Variants in NOTCH4 observed in about 807,000 individuals in gnomAD.
NOTCH4 encodes neurogenic locus notch homolog protein 4.
A neutral mutation model predicts 189.0 loss-of-function variants in NOTCH4; 138 were observed. The observed-to-expected ratio is 0.73, with a 90% CI of 0.64 to 0.84. NOTCH4 has a LOEUF of 0.84. Ranked by LOEUF, NOTCH4 falls within the 40% of genes least tolerant of loss-of-function variation. NOTCH4 has a pLI of 0.00. For missense variants in NOTCH4, 2,286 were observed against 2,605.4 expected (o/e 0.88, Z 2.67); for synonymous variants, 942 against 1,032.8 (o/e 0.91, Z 1.69).
rs755955485 is a variant in NOTCH4, at chr6:32,213,231, G to C, written c.2342C>G (p.Thr781Ser). The change falls in exon 15 of 30, where the codon ACC (threonine) becomes AGC (serine). Residue 781 changes from threonine to serine, a missense_variant. Coordinates refer to ENST00000375023, the MANE Select transcript of NOTCH4 (RefSeq NM_004557.4). Reference sequence around the variant, plus strand: ...GAAGGTGCCAGGCCTGTTCACACAGGTACCCCCATTGAAGCACGGGGCTGG... The same window carrying C: ...GAAGGTGCCAGGCCTGTTCACACAGCTACCCCCATTGAAGCACGGGGCTGG... Reference protein sequence around the residue: ...CVSAPCFNGGTCVNRPGTFSC... With the variant: ...CVSAPCFNGGSCVNRPGTFSC... 1 of 1,613,780 alleles carries C rather than the reference G, an allele frequency of 6.2e-7. No individual in the cohort carries two copies. The highest frequency in any genetic ancestry group is 1.3e-5 in the African/African-American group (1 of 75,010).
At chr6:32,215,194 G>T in intron 12 of NOTCH4, 32 bp downstream of exon 12, 1 of 1,548,696 alleles carries the variant, frequency 6.5e-7, no homozygotes. Flanking sequence ...CCCAAAGGAG[G>T]GGGCAGATGG....
chr6:32,217,965 G>C lies in NOTCH4; in HGVS notation c.1624+30C>G. On this transcript the variant is annotated intron_variant, in intron 9 of 29. Coordinates refer to ENST00000375023, the MANE Select transcript of NOTCH4 (RefSeq NM_004557.4). The surrounding 1 kb of genome is among the most constrained non-coding windows in gnomAD (Gnocchi z 4.2). ...CTGCAGGTTCAGAGGCCTGGGGTCT[G>C]AGGGTGGCCAGAGAGGCATCTGTAC... 1 of 1,440,994 alleles carries C rather than the reference G, an allele frequency of 6.9e-7. No individual in the cohort carries two copies. The highest frequency in any genetic ancestry group is 9.8e-7 in the Non-Finnish European group (1 of 1,024,314). The allele number at this position is 1,440,994 out of a possible 1,614,324, so 89.3% of individuals were successfully genotyped here. A position where few individuals can be genotyped will look rare whatever the true frequency, so the allele number is the denominator to read the frequency against.
chr6:32,201,348 A>G lies in NOTCH4; in HGVS notation c.3908T>C (p.Leu1303Pro). 6.2e-7 allele frequency: 1 copy of G among 1,608,948 alleles called. No homozygotes were observed. Reference protein sequence around the residue: ...WGPSLALLVVLSPPALDQQLF... With the variant: ...WGPSLALLVVPSPPALDQQLF... ...CTGCTGGTCTAGGGCTGGGGGGCTC[A>G]GTACCACCAGCAGGGCCAGGGAGGG... The change falls in exon 22 of 30, where the codon CTG becomes CCG. Residue 1303 changes from leucine to proline, a missense_variant. Transcript: ENST00000375023. This position sits in a 1 kb window ranked among gnomAD's most constrained non-coding sequence, Gnocchi z 5.5.
chr6:32,205,334 G>T (rs1182833391), intron 18 of NOTCH4, among the ~76,000 whole-genome samples: 7 of 151,746 alleles, frequency 4.6e-5, no homozygotes, highest in African/African-American at 1.7e-4. Flanking sequence ...CAGATCACGA[G>T]GTCAGGAGTT....
chr6:32,203,623 G>T, intron 20 of NOTCH4, 147 bp downstream of exon 20: 1 of 624,326 alleles, frequency 1.6e-6, no homozygotes, highest in Non-Finnish European at 2.7e-6. Flanking sequence ...GCTTCTGAGA[G>T]ACACTTCCCA....
In NOTCH4 at chr6:32,204,333, G is replaced by A. The variant is rs780465301; in HGVS notation, c.2922C>T (p.Ser974=). The change falls in exon 19 of 30, where the codon TCC becomes TCT. Residue 974 remains serine (S), a synonymous_variant. Coordinates refer to ENST00000375023, the MANE Select transcript of NOTCH4 (RefSeq NM_004557.4). Reference sequence around the variant, plus strand: ...AGGTTCCATGGTTGTGACAGGGTTGGGACTGACAAGCATCGAGTTCCTTTG... The same window carrying A: ...AGGTTCCATGGTTGTGACAGGGTTGAGACTGACAAGCATCGAGTTCCTTTG... ...NCSKELDACQ[S]QPCHNHGTCT... is the part of the protein sequence containing the mutation. 1 of 1,612,960 alleles carries A rather than the reference G, an allele frequency of 6.2e-7. No individual in the cohort carries two copies. Among genetic ancestry groups the A allele is most frequent in the South Asian group, 1.1e-5 (1 of 91,088 alleles).
rs138150766 is a variant in NOTCH4, at chr6:32,218,972, A to G, written c.1510+620T>C. On this transcript the variant is annotated intron_variant, in intron 8 of 29. Coordinates refer to ENST00000375023, the MANE Select transcript of NOTCH4 (RefSeq NM_004557.4). ...AGGGTTATTGTAATAAGTAGATGAGACAATGCCTGTAAGATGCTCAGACAG... is the reference window on the plus strand; with the variant it reads ...AGGGTTATTGTAATAAGTAGATGAGGCAATGCCTGTAAGATGCTCAGACAG... 1.5e-3 allele frequency among the ~76,000 whole-genome samples: 233 copies of G among 152,310 alleles called. 1 individual carries two copies. The highest frequency in any genetic ancestry group is 2.6e-3 in the Non-Finnish European group (179 of 68,020).
At chr6:32,211,542 G>A (rs71565312) in intron 17 of NOTCH4, among the ~76,000 whole-genome samples, 3,932 of 150,954 alleles carry the variant, frequency 0.026, 83 homozygotes, top group Middle Eastern at 0.055. Context: ...GCAGTGAGCC[G>A]AGATCGTGCC....
In NOTCH4 at chr6:32,223,019, T is replaced by A; in HGVS notation, c.141A>T (p.Gly47=). The change falls in exon 2 of 30, where the codon GGA becomes GGT. Residue 47 remains glycine (G), a synonymous_variant. Transcript: ENST00000375023. ...NGGTCLSLSL[G]QGTCQCAPGF... is the part of the protein sequence containing the mutation. The stretch of plus-strand genomic sequence containing the variant: ...GGCACACTCACTGGCAGGTCCCTTG[T>A]CCCAGAGACAGGCTCAGGCAGGTGC... The A allele has an allele frequency of 1.2e-6, 2 of 1,613,686 alleles. No individual in the cohort carries two copies. The highest frequency in any genetic ancestry group is 1.7e-6 in the Non-Finnish European group (2 of 1,179,780).
In NOTCH4 at chr6:32,195,300, G is replaced by A; in HGVS notation, c.*137C>T. The A allele has an allele frequency of 3.9e-6, 3 of 773,756 alleles. No individual in the cohort carries two copies. The highest frequency in any genetic ancestry group is 3.5e-5 in the African/African-American group (2 of 57,172). The allele number at this position is 773,756 out of a possible 1,614,324, so 47.9% of individuals were successfully genotyped here. A position where few individuals can be genotyped will look rare whatever the true frequency, so the allele number is the denominator to read the frequency against. On this transcript the variant is annotated 3_prime_UTR_variant, in exon 30 of 30. Transcript: ENST00000375023. This position sits in a 1 kb window ranked among gnomAD's most constrained non-coding sequence, Gnocchi z 5.4. Reference sequence around the variant, plus strand: ...CACGTGGAAGATGTCTGCTCTGGTGGGCATACATTCATTTTAGGAGAGAAA... The same window carrying A: ...CACGTGGAAGATGTCTGCTCTGGTGAGCATACATTCATTTTAGGAGAGAAA...
At chr6:32,196,517 G>A (rs988292053) in intron 28 of NOTCH4, 96 bp from the exon 29 acceptor site, 1 of 1,463,278 alleles carries the variant, frequency 6.8e-7, no homozygotes, top group Non-Finnish European at 9.2e-7. Flanking sequence ...AGGGCTATTC[G>A]GGCCGGCTGG....
Position 32,213,770 on chromosome 6 carries a change from A to C in NOTCH4, c.2238T>G (p.Pro746=), listed in dbSNP as rs1186161029. The C allele has an allele frequency of 6.2e-7, 1 of 1,611,982 alleles. No individual in the cohort carries two copies. Among genetic ancestry groups the C allele is most frequent in the East Asian group, 2.2e-5 (1 of 44,846 alleles). ...AGGTGCAGTAGTAGCCTCCAGGGCT[A>C]GGGTTGCAGGAGCCGCCATTGAGAC... ...GPCLNGGSCN[P]SPGGYYCTCP... The change falls in exon 14 of 30, where the codon CCT becomes CCG. Residue 746 remains proline, a synonymous_variant. Coordinates refer to ENST00000375023, the MANE Select transcript of NOTCH4 (RefSeq NM_004557.4).
At position 32,204,398 on chromosome 6, in the gene NOTCH4, A is replaced by C. The variant is rs759317116; in HGVS notation, c.2866-9T>G. 1 of 1,612,262 alleles carries C rather than the reference A, an allele frequency of 6.2e-7. No individual in the cohort carries two copies. Among genetic ancestry groups the C allele is most frequent in the South Asian group, 1.1e-5 (1 of 91,026 alleles). Reference sequence around the variant, plus strand: ...TCGTAGCCTGGGGCACACTGCAGACAAAGAGGATTAGACAGGGAACCAGTG... The same window carrying C: ...TCGTAGCCTGGGGCACACTGCAGACCAAGAGGATTAGACAGGGAACCAGTG... On this transcript the variant is annotated splice_polypyrimidine_tract_variant and intron_variant, in intron 18 of 29. Coordinates refer to ENST00000375023, the MANE Select transcript of NOTCH4 (RefSeq NM_004557.4).
chr6:32,223,800 C>G, intron 1 of NOTCH4, 56 bp downstream of exon 1: 2 of 1,565,344 alleles, frequency 1.3e-6, no homozygotes, highest in Non-Finnish European at 1.7e-6. Context: ...CCCCACCCCA[C>G]TGATCATCCT....
At position 32,222,588 on chromosome 6, in the gene NOTCH4, G is replaced by A. The variant is rs1263014536; in HGVS notation, c.374C>T (p.Ser125Phe). The A allele has an allele frequency of 6.3e-7, 1 of 1,597,702 alleles. No homozygotes were observed. The highest frequency in any genetic ancestry group is 1.4e-5 in the African/African-American group (1 of 73,642). ...QAKLEDPCPPSFCSKRGRCHI... is the reference protein window; with the variant it reads ...QAKLEDPCPPFFCSKRGRCHI... ...GCAGCGGCCCCTTTTGGAACAGAAG[G>A]AGGGAGGACAAGGGTCTTCAAGCTT... Residue 125 changes from serine (S) to phenylalanine (F), a missense_variant, in exon 3 of 30, where the codon TCC becomes TTC. Transcript: ENST00000375023.
chr6:32,215,336 C>G lies in NOTCH4; in HGVS notation c.1911G>C (p.Lys637Asn), dbSNP rs755708470. ...TGTCTTTCTGGTCCTTACATATCTG[C>G]TTGGGCTGGCACAGGTTGGGAGCAC... is the stretch of plus-strand genomic sequence containing the variant. The part of the protein sequence containing the change: ...PLCAPNLCQP[K>N]QICKDQKDKA... Residue 637 changes from lysine (K) to asparagine (N), a missense_variant, in exon 12 of 30, where the codon AAG (lysine) becomes AAC (asparagine). Physicochemically the swap from Lys to Asn is moderately conservative, Grantham distance 94. Around this residue, in one of 2 missense-constraint regions of NOTCH4, gnomAD observed 1,903 missense variants for 2,261.9 expected, o/e 0.84. Transcript: ENST00000375023. 1.9e-5 allele frequency: 31 copies of G among 1,610,768 alleles called. 1 individual carries two copies. The Admixed American group carries it at 4.9e-4, about 25-fold the overall frequency.
chr6:32,197,688 T>C, intron 26 of NOTCH4, 94 bp from the exon 27 acceptor site: 2 of 1,170,942 alleles, frequency 1.7e-6, no homozygotes, highest in East Asian at 2.8e-5. Context: ...ACCTGAGGTG[T>C]TGGGAAGCTA....
chr6:32,212,428 C>T lies in NOTCH4; in HGVS notation c.2680+46G>A. On this transcript the variant is annotated intron_variant, in intron 17 of 29. Transcript: ENST00000375023. The surrounding 1 kb of genome is among the most constrained non-coding windows in gnomAD (Gnocchi z 4.4). ...ACAGGAACGGGGCAGGTGAGAACAC[C>T]CATATTTTCTTCATTTGCTCTCCAG... is the stretch of plus-strand genomic sequence containing the variant. 1.3e-6 allele frequency: 2 copies of T among 1,552,812 alleles called. No homozygotes were observed. The highest frequency in any genetic ancestry group is 1.7e-6 in the Non-Finnish European group (2 of 1,147,626).
rs1441242486 is a variant in NOTCH4, at chr6:32,197,562, A to G, written c.4789T>C (p.Cys1597Arg). The G allele has an allele frequency of 5.6e-6, 9 of 1,612,454 alleles. No homozygotes were observed. In the African/African-American group the frequency reaches 1.1e-4, roughly 19 times the overall value. Residue 1597 changes from cysteine (C) to arginine (R), a missense_variant, in exon 27 of 30, where the codon TGT (cysteine) becomes CGT (arginine). By Grantham distance (180) the Cys-to-Arg change is radical. Transcript: ENST00000375023. Reference sequence around the variant, plus strand: ...AAGGTCCCGGACTGTACTTCCCCACAGCAAACTGCTGACATCAGGGGTGTC... The same window carrying G: ...AAGGTCCCGGACTGTACTTCCCCACGGCAAACTGCTGACATCAGGGGTGTC... ...GVTPLMSAVC[C>R]GEVQSGTFQG... is the part of the protein sequence containing the mutation.
Sources: allele counts gnomAD v4.1 joint callset (sites outside exome capture counted in the v4.1 genomes callset), GRCh38; gene constraint gnomAD v4.1.1; regional missense constraint gnomAD v4.1.1; non-coding constraint Gnocchi (gnomAD v3.1); transcripts MANE v1.5; gene names NCBI Gene and HGNC (gene_info 2026-07-23, HGNC 2026-07-21).